DGKB: variants seen among roughly 807,000 people sequenced by gnomAD.
DGKB encodes the protein 90 kDa diacylglycerol kinase.
Under a neutral mutation model 114.3 loss-of-function variants are expected in DGKB, and 67 were observed. The ratio of observed to expected loss-of-function variants is 0.59; its 90% CI spans 0.48 to 0.72. DGKB has a LOEUF of 0.72. DGKB is among the 30% of genes least tolerant of loss of function. The probability of loss-of-function intolerance (pLI) is 0.00; values close to 1 mark genes in which losing one functional copy is unlikely to be tolerated. For missense variants in DGKB, 907 were observed against 975.2 expected, an observed-to-expected ratio of 0.93 and a Z score of 0.93; for synonymous variants, 398 against 323.1, an observed-to-expected ratio of 1.23 and a Z score of -2.49.
At chr7:14,173,222 A>C (rs993458128) in intron 25 of DGKB, among the ~76,000 whole-genome samples, 1 of 152,234 alleles carries the variant, frequency 6.6e-6, no homozygotes, top group South Asian at 2.1e-4. Context: ...TATTTGAAGA[A>C]TGAGTACTAA....
At chr7:14,769,232 A>G (rs770298241) in intron 2 of DGKB, among the ~76,000 whole-genome samples, 35 of 92,268 alleles carry the variant, frequency 3.8e-4, no homozygotes, top group East Asian at 1.6e-3. Context: ...GAGAGAGAGA[A>G]AGAAAGAAAG....
At chr7:14,667,786 T>C (rs1025984381) in intron 13 of DGKB, among the ~76,000 whole-genome samples, 2 of 152,094 alleles carry the variant, frequency 1.3e-5, no homozygotes, top group Non-Finnish European at 2.9e-5. Flanking sequence ...ATCACTTAAA[T>C]AGTTAATGTG....
At chr7:14,542,567 C>A (rs1056013765) in intron 20 of DGKB, among the ~76,000 whole-genome samples, 2 of 152,182 alleles carry the variant, frequency 1.3e-5, no homozygotes, top group Admixed American at 1.3e-4. Flanking sequence ...CATTTCACTG[C>A]TTTGCCTGGT....
intron 21 of DGKB, among the ~76,000 whole-genome samples, chr7:14,384,149 G>GT (rs1563070496): frequency 1.3e-5 from 2 of 152,098 alleles, no homozygotes; most frequent in African/African-American, 4.8e-5. Flanking sequence ...TTTAATTTAC[G>GT]TAAGTACATT....
chr7:14,749,981 C>T (rs1294579874), intron 4 of DGKB, among the ~76,000 whole-genome samples: 2 of 152,160 alleles, frequency 1.3e-5, no homozygotes, highest in Non-Finnish European at 2.9e-5. Context: ...AAGTGTATGA[C>T]ACAGTCTTTT....
In DGKB at chr7:14,801,886, GTA is replaced by G. The variant is rs990973713; in HGVS notation, c.70+39306_70+39307del. ...TGTATATATATACATATGTGTGTGT[GTA>G]TATATATATACACACATATACACAC... On this transcript the variant is annotated intron_variant, in intron 2 of 25. Coordinates refer to ENST00000402815, the MANE Select transcript of DGKB (RefSeq NM_001350709.2). 4.7e-5 allele frequency among the ~76,000 whole-genome samples: 7 copies of G among 149,100 alleles called. No homozygotes were observed. In the East Asian group the frequency reaches 1.2e-3, roughly 25 times the overall value.
intron 23 of DGKB, among the ~76,000 whole-genome samples, chr7:14,301,740 G>C (rs1351881187): frequency 1.3e-5 from 2 of 152,050 alleles, no homozygotes; most frequent in Admixed American, 6.6e-5. Flanking sequence ...ACTAATAAGA[G>C]AGTAAAAAAA....
chr7:14,674,577 C>T (rs944903226), intron 12 of DGKB, among the ~76,000 whole-genome samples: 9 of 152,006 alleles, frequency 5.9e-5, no homozygotes, highest in African/African-American at 2.2e-4. Flanking sequence ...CTTCTGGGAC[C>T]TTTGAATGTG....
At chr7:14,699,897 A>G (rs910975188) in intron 7 of DGKB, among the ~76,000 whole-genome samples, 1 of 152,042 alleles carries the variant, frequency 6.6e-6, no homozygotes, top group Non-Finnish European at 1.5e-5. Flanking sequence ...AAAAATGGGC[A>G]GAGACAAAAA....
chr7:14,808,292 T>C (rs997765588), intron 2 of DGKB, among the ~76,000 whole-genome samples: 115 of 152,080 alleles, frequency 7.6e-4, no homozygotes, highest in African/African-American at 2.7e-3. Context: ...AGCAAATAAG[T>C]TTTTACAGTA....
intron 1 of DGKB, among the ~76,000 whole-genome samples, chr7:14,886,283 A>T (rs530574423): frequency 6.6e-6 from 1 of 151,864 alleles, no homozygotes; most frequent in African/African-American, 2.4e-5. Context: ...AGATCTGAAC[A>T]TGGGAAGAAG....
intron 23 of DGKB, among the ~76,000 whole-genome samples, chr7:14,197,784 G>A (rs564473212): frequency 6.4e-4 from 98 of 152,204 alleles, no homozygotes; most frequent in African/African-American, 2.3e-3. Flanking sequence ...TTGTACAGCT[G>A]AGATACACAT....
intron 19 of DGKB, among the ~76,000 whole-genome samples, chr7:14,577,135 T>C (rs924446621): frequency 6.6e-6 from 1 of 152,170 alleles, no homozygotes; most frequent in Non-Finnish European, 1.5e-5. Context: ...CAGAAAAGAA[T>C]AATGCTATTT....
At chr7:14,690,845 A>G (rs1177508635) in intron 9 of DGKB, among the ~76,000 whole-genome samples, 1 of 152,242 alleles carries the variant, frequency 6.6e-6, no homozygotes, top group African/African-American at 2.4e-5. Context: ...ATGAATTCTG[A>G]AGGAAGAATG....
intron 20 of DGKB, among the ~76,000 whole-genome samples, chr7:14,514,511 A>G (rs1788471221): frequency 6.6e-6 from 1 of 152,194 alleles, no homozygotes; most frequent in Non-Finnish European, 1.5e-5. Context: ...GTAACTGCAA[A>G]TAATTGTTTA....
chr7:14,339,568 G>A (rs1445066083), intron 22 of DGKB, among the ~76,000 whole-genome samples: 1 of 151,968 alleles, frequency 6.6e-6, no homozygotes, highest in Non-Finnish European at 1.5e-5. Flanking sequence ...TCACTTCTTA[G>A]TTTTTTGAAT....
chr7:14,933,226 T>C (rs1416523238), intron 1 of DGKB, among the ~76,000 whole-genome samples: 1 of 152,240 alleles, frequency 6.6e-6, no homozygotes, highest in Non-Finnish European at 1.5e-5. Flanking sequence ...AATTATTTTC[T>C]ATTCGATTAT....
chr7:14,488,776 C>T (rs527480670), intron 20 of DGKB, among the ~76,000 whole-genome samples: 6 of 150,080 alleles, frequency 4.0e-5, no homozygotes, highest in Admixed American at 2.7e-4. Flanking sequence ...TGCAGTGAGC[C>T]GAGACTGCGC....
chr7:14,733,015 A>G (rs1831146860), intron 5 of DGKB, among the ~76,000 whole-genome samples: 1 of 152,214 alleles, frequency 6.6e-6, no homozygotes, highest in African/African-American at 2.4e-5. Context: ...TAAATACAGG[A>G]CAACTTTCTT....
Sources: allele counts gnomAD v4.1 joint callset (sites outside exome capture counted in the v4.1 genomes callset), GRCh38; gene constraint gnomAD v4.1.1; transcripts MANE v1.5; gene names NCBI Gene and HGNC (gene_info 2026-07-23, HGNC 2026-07-21).